C1orf21: variants seen among roughly 807,000 people sequenced by gnomAD.
C1orf21 encodes the protein chromosome 1 open reading frame 21, also known as uncharacterized protein C1orf21.
C1orf21 carries 3 observed loss-of-function variants against 18.7 expected under a neutral mutation model. The ratio of observed to expected loss-of-function variants is 0.16; its 90% CI spans 0.07 to 0.42. The LOEUF (loss-of-function observed/expected upper bound fraction) is 0.42. Ranked by LOEUF, C1orf21 falls within the 10% of genes least tolerant of loss-of-function variation. The pLI is 0.99. For synonymous variants in C1orf21, 41 were observed against 46.4 expected, an observed-to-expected ratio of 0.88 and a Z score of 0.47; for missense variants, 104 against 143.6, an observed-to-expected ratio of 0.72 and a Z score of 1.41.
At chr1:184,615,015 C>T (rs540971649) in intron 5 of C1orf21, among the ~76,000 whole-genome samples, 7 of 152,284 alleles carry the variant, frequency 4.6e-5, no homozygotes, top group South Asian at 4.1e-4. Flanking sequence ...AGGAAAAGTA[C>T]GTTAGGCACA....
rs910305563 is a variant in C1orf21, at chr1:184,624,713, C to A, written c.*5157C>A. On this transcript the variant is annotated 3_prime_UTR_variant, in exon 6 of 6. Transcript: ENST00000235307. ...AAGCACTGAAACTAGATGCAAATCT[C>A]TTTCGAGACCTTACATGTTTTAGAT... is the stretch of plus-strand genomic sequence containing the variant. 6.6e-6 allele frequency: 1 copy of A among 152,180 alleles called. No individual in the cohort carries two copies. Among genetic ancestry groups the A allele is most frequent in the Non-Finnish European group, 1.5e-5 (1 of 68,034 alleles). The allele number at this position is 152,180 out of a possible 1,614,324, so 9.4% of individuals were successfully genotyped here.
At chr1:184,418,406 G>T (rs930765185) in intron 1 of C1orf21, among the ~76,000 whole-genome samples, 64 of 152,200 alleles carry the variant, frequency 4.2e-4, no homozygotes, top group African/African-American at 1.5e-3. Flanking sequence ...TAGAGATAGG[G>T]TTTCACCATG....
chr1:184,426,959 G>A (rs142336509), intron 1 of C1orf21, among the ~76,000 whole-genome samples: 345 of 152,300 alleles, frequency 2.3e-3, no homozygotes, highest in Middle Eastern at 0.017. Context: ...ACAGGTAAAG[G>A]AACCACAGGA....
chr1:184,539,016 TAGAACTTCC>T (rs1236285474), intron 3 of C1orf21, among the ~76,000 whole-genome samples: 1 of 152,220 alleles, frequency 6.6e-6, no homozygotes, highest in African/African-American at 2.4e-5. Context: ...TTGCTCTGGC[TAGAACTTCC>T]AGTTCCATGT....
intron 3 of C1orf21, among the ~76,000 whole-genome samples, chr1:184,589,280 C>G (rs1388230834): frequency 1.3e-5 from 2 of 152,310 alleles, no homozygotes; most frequent in East Asian, 3.9e-4. Flanking sequence ...GGAACTTACG[C>G]CTTCAGTCCT....
rs563059942 is a variant in C1orf21, at chr1:184,533,783, G to A, written c.189+26101G>A. 9.2e-5 allele frequency among the ~76,000 whole-genome samples: 14 copies of A among 152,348 alleles called. No individual in the cohort carries two copies. The South Asian group carries it at 2.9e-3, about 32-fold the overall frequency. On this transcript the variant is annotated intron_variant, in intron 3 of 5. Coordinates refer to ENST00000235307, the MANE Select transcript of C1orf21 (RefSeq NM_030806.4). ...GAATGGATGCCAGCCAGTTCCACAGGAGGCCCTGGCCGGGGCTGGGGAGTG... is the reference window on the plus strand; with the variant it reads ...GAATGGATGCCAGCCAGTTCCACAGAAGGCCCTGGCCGGGGCTGGGGAGTG...
intron 2 of C1orf21, among the ~76,000 whole-genome samples, chr1:184,502,835 T>C (rs186393721): frequency 6.6e-6 from 1 of 152,108 alleles, no homozygotes; most frequent in Non-Finnish European, 1.5e-5. Context: ...TCCAACACTT[T>C]GGGAGTCTGA....
intron 3 of C1orf21, among the ~76,000 whole-genome samples, chr1:184,521,295 T>C (rs114555980): frequency 0.014 from 2,118 of 152,262 alleles, 25 homozygotes; most frequent in Non-Finnish European, 0.021. Context: ...TCCCAACTGA[T>C]TGGAAAAACT....
chr1:184,595,191 C>A (rs1659496634), intron 4 of C1orf21, among the ~76,000 whole-genome samples: 1 of 152,298 alleles, frequency 6.6e-6, no homozygotes, highest in African/African-American at 2.4e-5. Flanking sequence ...AGTCAGGTAC[C>A]AATGTGCAGG....
chr1:184,497,663 C>T (rs538320069), intron 2 of C1orf21, among the ~76,000 whole-genome samples: 1 of 152,272 alleles, frequency 6.6e-6, no homozygotes, highest in East Asian at 1.9e-4. Context: ...TGGCAGTGCT[C>T]ATACAAGAGA....
At chr1:184,488,613 C>A (rs1298184824) in intron 2 of C1orf21, among the ~76,000 whole-genome samples, 1 of 152,106 alleles carries the variant, frequency 6.6e-6, no homozygotes, top group Non-Finnish European at 1.5e-5. Context: ...ATGAAATCCC[C>A]CAATTTATCT....
At chr1:184,541,619 T>G (rs1658652079) in intron 3 of C1orf21, among the ~76,000 whole-genome samples, 1 of 152,266 alleles carries the variant, frequency 6.6e-6, no homozygotes, top group Admixed American at 6.5e-5. Context: ...GATCTCATCA[T>G]GGTCCTCTGA....
chr1:184,580,194 C>G (rs1277039971), intron 3 of C1orf21, among the ~76,000 whole-genome samples: 1 of 152,224 alleles, frequency 6.6e-6, no homozygotes, highest in Non-Finnish European at 1.5e-5. Flanking sequence ...AGACCACTTC[C>G]TCCTCTTGGT....
chr1:184,389,416 C>T (rs774252881), intron 1 of C1orf21, among the ~76,000 whole-genome samples: 4 of 152,126 alleles, frequency 2.6e-5, no homozygotes, highest in Non-Finnish European at 4.4e-5. Flanking sequence ...AATTTAACTC[C>T]GAGTTTAGAA....
chr1:184,594,436 G>T lies in C1orf21; in HGVS notation c.266+3621G>T, dbSNP rs79265062. Among the ~76,000 whole-genome samples, 187 of 152,318 alleles carry T rather than the reference G, an allele frequency of 1.2e-3. 1 individual carries two copies. In the East Asian group the frequency reaches 0.033, roughly 27 times the overall value. The stretch of plus-strand genomic sequence containing the variant: ...TCTACATGTACATGGGAGCCCCTAT[G>T]AGAAAATGAAGACCCAAGAAGTGAC... On this transcript the variant is annotated intron_variant, in intron 4 of 5. Coordinates refer to ENST00000235307, the MANE Select transcript of C1orf21 (RefSeq NM_030806.4).
At chr1:184,598,281 G>A in intron 4 of C1orf21, 120 bp from the exon 5 acceptor site, 1 of 785,752 alleles carries the variant, frequency 1.3e-6, no homozygotes, top group South Asian at 1.9e-5. Flanking sequence ...GTATTTCAGT[G>A]GAAAAGTCTG....
intron 2 of C1orf21, among the ~76,000 whole-genome samples, chr1:184,503,562 A>T (rs1658008738): frequency 6.6e-6 from 1 of 152,092 alleles, no homozygotes; most frequent in African/African-American, 2.4e-5. Flanking sequence ...AGGTACTCAG[A>T]CTGTACTGAG....
At chr1:184,567,380 T>C in intron 3 of C1orf21, 1 of 495,762 alleles carries the variant, frequency 2.0e-6, no homozygotes, top group South Asian at 1.6e-5. Context: ...CCAGCTCTTG[T>C]TTGGGGAACC....
intron 1 of C1orf21, among the ~76,000 whole-genome samples, chr1:184,475,737 GTGT>G (rs1557981750): frequency 0.08 from 47 of 586 alleles, no homozygotes; most frequent in Non-Finnish European, 0.12. Flanking sequence ...GGAATAGGGT[GTGT>G]GTGTGTGTGT....
Sources: allele counts gnomAD v4.1 joint callset (sites outside exome capture counted in the v4.1 genomes callset), GRCh38; gene constraint gnomAD v4.1.1; transcripts MANE v1.5; gene names NCBI Gene and HGNC (gene_info 2026-07-23, HGNC 2026-07-21).